ALOX5: variants seen among roughly 807,000 people sequenced by gnomAD.
ALOX5 encodes the protein polyunsaturated fatty acid 5-lipoxygenase.
A neutral mutation model predicts 87.9 loss-of-function variants in ALOX5; 64 were observed. That is an observed-to-expected ratio of 0.73 (90% CI 0.60 to 0.90). The LOEUF is 0.90. Ranked by LOEUF, ALOX5 falls within the 40% of genes least tolerant of loss-of-function variation. ALOX5 has a pLI of 0.00. For synonymous variants in ALOX5, 388 were observed against 355.1 expected (o/e 1.09, Z -1.04); for missense variants, 822 against 907.5 (o/e 0.91, Z 1.21).
chr10:45,409,845 CA>C lies in ALOX5; in HGVS notation c.432-2345del, dbSNP rs1381121829. Among the ~76,000 whole-genome samples the C allele has an allele frequency of 3.9e-5, 6 of 152,336 alleles. No individual in the cohort carries two copies. The East Asian group carries it at 1.2e-3, about 29-fold the overall frequency. On this transcript the variant is annotated intron_variant, in intron 3 of 13. Transcript: ENST00000374391. ...TGGAAGGGACATAAACATTTGGTTT[CA>C]GGGGGGCAGTAGTGAACTAGCAAGC...
At chr10:45,385,551 A>T (rs191562858) in intron 2 of ALOX5, among the ~76,000 whole-genome samples, 1 of 152,178 alleles carries the variant, frequency 6.6e-6, no homozygotes, top group African/African-American at 2.4e-5. Flanking sequence ...GCATGTACTG[A>T]CTTATTCATA....
chr10:45,444,263 C>A lies in ALOX5; in HGVS notation c.1822C>A (p.Leu608Met). The A allele has an allele frequency of 6.4e-7, 1 of 1,554,734 alleles. No individual in the cohort carries two copies. The highest frequency in any genetic ancestry group is 1.2e-5 in the South Asian group (1 of 84,440). Reference protein sequence around the residue: ...SCWHLGAVWALSQFQENELFL... With the variant: ...SCWHLGAVWAMSQFQENELFL... ...CTGGCATCTGGGTGCAGTGTGGGCG[C>A]TGAGCCAGTTCCAGGAAAACGAGGT... The change falls in exon 13 of 14, where the codon CTG (leucine) becomes ATG (methionine). Residue 608 changes from leucine (L) to methionine (M), a missense_variant. Transcript: ENST00000374391.
intron 7 of ALOX5, among the ~76,000 whole-genome samples, chr10:45,439,895 G>A (rs879644524): frequency 1.4e-4 from 21 of 152,208 alleles, no homozygotes; most frequent in Non-Finnish European, 2.6e-4. Context: ...TGATCTGGGA[G>A]GCTCAGTACC....
chr10:45,433,554 G>C (rs1184330544), intron 7 of ALOX5, among the ~76,000 whole-genome samples: 1 of 152,224 alleles, frequency 6.6e-6, no homozygotes, highest in African/African-American at 2.4e-5. Context: ...TTGCAGGTAA[G>C]GGTTTTTAAA....
chr10:45,413,140 CAA>C lies in ALOX5; in HGVS notation c.554+829_554+830del, dbSNP rs540078776. Among the ~76,000 whole-genome samples, 60 of 152,242 alleles carry C rather than the reference CAA, an allele frequency of 3.9e-4. No homozygotes were observed. The South Asian group carries it at 0.011, about 28-fold the overall frequency. ...CAAAGCCTGGCAGACACACAACAAACAAAGAGAATTTTAGACCAATATCCCTG... is the reference window on the plus strand; with the variant it reads ...CAAAGCCTGGCAGACACACAACAAACAGAGAATTTTAGACCAATATCCCTG... On this transcript the variant is annotated intron_variant, in intron 4 of 13. Coordinates refer to ENST00000374391, the MANE Select transcript of ALOX5 (RefSeq NM_000698.5).
Position 45,443,443 on chromosome 10 carries a change from C to T in ALOX5, c.1479C>T (p.Tyr493=), listed in dbSNP as rs753078437. ...RTFTAEVVDI[Y]YEGDQVVEED... The stretch of plus-strand genomic sequence containing the variant: ...TCACGGCCGAGGTGGTAGACATCTA[C>T]TACGAGGGCGACCAGGTGGTGGAGG... Residue 493 remains tyrosine (Y), a synonymous_variant, in exon 11 of 14, where the codon TAC becomes TAT. Coordinates refer to ENST00000374391, the MANE Select transcript of ALOX5 (RefSeq NM_000698.5). 9 of 1,610,140 alleles carry T rather than the reference C, an allele frequency of 5.6e-6. No individual in the cohort carries two copies. Among genetic ancestry groups the T allele is most frequent in the Non-Finnish European group, 7.6e-6 (9 of 1,178,460 alleles).
intron 4 of ALOX5, among the ~76,000 whole-genome samples, chr10:45,416,817 GGATGGATGGATGGATGACAGATAGTGA>G (rs376226408): frequency 0.018 from 2,767 of 152,002 alleles, 78 homozygotes; most frequent in African/African-American, 0.064. Context: ...CATGGATGGT[GGATGGATGGATGGATGACAGATAGTGA>G]GATGGATGGA....
chr10:45,433,479 T>C (rs1043803619), intron 7 of ALOX5, among the ~76,000 whole-genome samples: 1 of 152,178 alleles, frequency 6.6e-6, no homozygotes, highest in Non-Finnish European at 1.5e-5. Flanking sequence ...CACAAGGCAT[T>C]TATTGCGGGG....
intron 3 of ALOX5, among the ~76,000 whole-genome samples, chr10:45,398,616 C>T (rs547123016): frequency 5.3e-5 from 8 of 152,222 alleles, no homozygotes; most frequent in African/African-American, 1.7e-4. Flanking sequence ...TGATAAGGGC[C>T]TTCCATCCAT....
intron 6 of ALOX5, among the ~76,000 whole-genome samples, chr10:45,426,764 G>GTC (rs573681047): frequency 3.9e-5 from 6 of 152,152 alleles, no homozygotes; most frequent in Non-Finnish European, 8.8e-5. Flanking sequence ...CCCCTGCACT[G>GTC]TCTCTCTCTC....
chr10:45,410,069 C>A (rs1841018832), intron 3 of ALOX5, among the ~76,000 whole-genome samples: 2 of 152,250 alleles, frequency 1.3e-5, no homozygotes, highest in African/African-American at 4.8e-5. Context: ...CATTTGCTGG[C>A]ACAGATGCCC....
chr10:45,391,998 C>T (rs1255579376), intron 2 of ALOX5, among the ~76,000 whole-genome samples: 2 of 150,712 alleles, frequency 1.3e-5, no homozygotes, highest in African/African-American at 2.5e-5. Context: ...GGGGGGCGGT[C>T]AGCCCCCCGC....
chr10:45,426,853 C>T (rs779192373), intron 6 of ALOX5, among the ~76,000 whole-genome samples: 5 of 152,114 alleles, frequency 3.3e-5, no homozygotes, highest in Non-Finnish European at 7.4e-5. Flanking sequence ...AAATGATCAC[C>T]GGCAGCTTCA....
rs1278456376 is a variant in ALOX5, at chr10:45,378,601, T to G, written c.151-3882T>G. On this transcript the variant is annotated intron_variant, in intron 1 of 13. Transcript: ENST00000374391. ...AGAGAGGAGGGAGGAAGGTGGCCATTGTAGTTCCACAAACCTTCCGAAGAT... is the reference window on the plus strand; with the variant it reads ...AGAGAGGAGGGAGGAAGGTGGCCATGGTAGTTCCACAAACCTTCCGAAGAT... Among the ~76,000 whole-genome samples, 5 of 152,310 alleles carry G rather than the reference T, an allele frequency of 3.3e-5. No homozygotes were observed. The East Asian group carries it at 9.6e-4, about 29-fold the overall frequency.
chr10:45,432,360 TA>T (rs35877893), intron 7 of ALOX5, among the ~76,000 whole-genome samples: 7,947 of 132,902 alleles, frequency 0.06, 210 homozygotes, highest in Non-Finnish European at 0.076. Context: ...ACCCTATCTT[TA>T]AAAAAAAAAA....
chr10:45,422,211 G>A (rs750983299), intron 4 of ALOX5, among the ~76,000 whole-genome samples: 4 of 152,164 alleles, frequency 2.6e-5, no homozygotes, highest in Non-Finnish European at 5.9e-5. Context: ...TGTTCACAGG[G>A]TGATTCCCCT....
At chr10:45,399,509 A>T (rs1467786458) in intron 3 of ALOX5, among the ~76,000 whole-genome samples, 2 of 152,262 alleles carry the variant, frequency 1.3e-5, no homozygotes, top group Non-Finnish European at 2.9e-5. Flanking sequence ...TGGATGATAG[A>T]TCTAAAAGTA....
At chr10:45,428,558 G>A (rs769323291) in intron 6 of ALOX5, 60 bp from the exon 7 acceptor site, 12 of 1,602,892 alleles carry the variant, frequency 7.5e-6, no homozygotes, top group Non-Finnish European at 1.0e-5. Context: ...TCTTTCCCCA[G>A]GCCTGATTTT....
chr10:45,420,704 G>A (rs1445141452), intron 4 of ALOX5, among the ~76,000 whole-genome samples: 1 of 152,258 alleles, frequency 6.6e-6, no homozygotes, highest in African/African-American at 2.4e-5. Flanking sequence ...GCCACCTGCT[G>A]TACCTGGAAG....
Sources: allele counts gnomAD v4.1 joint callset (sites outside exome capture counted in the v4.1 genomes callset), GRCh38; gene constraint gnomAD v4.1.1; transcripts MANE v1.5; gene names NCBI Gene and HGNC (gene_info 2026-07-23, HGNC 2026-07-21).